MTMR4: variants seen among roughly 807,000 people sequenced by gnomAD.
MTMR4 encodes the protein myotubularin related protein 4.
MTMR4 carries 30 observed loss-of-function variants against 125.5 expected under a neutral mutation model. The observed-to-expected ratio is 0.24, with a 90% CI of 0.18 to 0.32. The LOEUF (loss-of-function observed/expected upper bound fraction) is 0.32, where lower values mean the gene tolerates loss of function less well. Ranked by LOEUF, MTMR4 falls within the 10% of genes least tolerant of loss-of-function variation. The pLI is 1.00. For synonymous variants in MTMR4, 498 were observed against 564.5 expected (o/e 0.88, Z 1.67); for missense variants, 1,039 against 1,511.5 (o/e 0.69, Z 5.18).
rs373927974 is a variant in MTMR4, at chr17:58,496,155, C to T, written c.2029G>A (p.Val677Ile). The change falls in exon 15 of 18, where the codon GTA becomes ATA. Residue 677 changes from valine (V) to isoleucine (I), a missense_variant. Transcript: ENST00000682306. ...GSETSFVDSG[V>I]GGPQQTVGEV... is the part of the protein sequence containing the mutation. ...CCTACAGTTTGCTGAGGCCCTCCTA[C>T]CCCAGAGTCCACAAAGCTTGTCTCT... The T allele has an allele frequency of 3.1e-6, 5 of 1,614,060 alleles. No individual in the cohort carries two copies. In the African/African-American group the frequency reaches 4.0e-5, roughly 13 times the overall value.
chr17:58,505,956 G>A (rs543698885), intron 9 of MTMR4, among the ~76,000 whole-genome samples: 1 of 152,296 alleles, frequency 6.6e-6, no homozygotes, highest in Non-Finnish European at 1.5e-5. Flanking sequence ...AGGCATCCAG[G>A]ACAAGAGTGG....
rs539943409 is a variant in MTMR4 at position 58,490,422 on chromosome 17, A to C, written c.*1241T>G. 1.3e-5 allele frequency: 2 copies of C among 152,662 alleles called. No homozygotes were observed. The highest frequency in any genetic ancestry group is 4.8e-5 in the African/African-American group (2 of 41,496). 9.5% of individuals were successfully genotyped at this position (152,662 alleles called of 1,614,324 possible). ...AAGATGAAAAAAAACAAAAACAAAAACAAAAAAACAAAATAAAATTTTTTA... is the reference window on the plus strand; with the variant it reads ...AAGATGAAAAAAAACAAAAACAAAACCAAAAAAACAAAATAAAATTTTTTA... On this transcript the variant is annotated 3_prime_UTR_variant, in exon 18 of 18. Coordinates refer to ENST00000682306, the MANE Select transcript of MTMR4 (RefSeq NM_001378067.1).
chr17:58,497,847 G>A (rs9901114), intron 14 of MTMR4, among the ~76,000 whole-genome samples: 57,559 of 151,786 alleles, frequency 0.38, 11,135 homozygotes, highest in East Asian at 0.51. Flanking sequence ...GCCAAGAGTG[G>A]GGCCTAGGGA....
intron 14 of MTMR4, among the ~76,000 whole-genome samples, chr17:58,498,528 C>CAGGGGAGGAG (rs1975532134): frequency 1.8e-5 from 1 of 55,920 alleles, no homozygotes; most frequent in African/African-American, 7.4e-5. Context: ...GAAGGAGAAG[C>CAGGGGAGGAG]GGGGGAGGAG....
chr17:58,493,076 T>C, intron 15 of MTMR4, 124 bp from the exon 16 acceptor site: 1 of 673,060 alleles, frequency 1.5e-6, no homozygotes, highest in African/African-American at 1.8e-5. Flanking sequence ...AGTCTTACAA[T>C]GTATACTACT....
At chr17:58,515,725 G>A (rs1159721143), upstream of MTMR4, among the ~76,000 whole-genome samples, 1 of 152,176 alleles carries the variant, frequency 6.6e-6, no homozygotes, top group Non-Finnish European at 1.5e-5. Flanking sequence ...AAACCAGCAG[G>A]CTTTCTGAGA....
chr17:58,504,805 G>T lies in MTMR4; in HGVS notation c.1315C>A (p.Leu439Met). ...TCCAACGTCCTGTAATATGGGTCCA[G>T]TAATATTTTGGCCAGGGCTACGATC... Reference protein sequence around the residue: ...PQIVALAKILLDPYYRTLEGF... With the variant: ...PQIVALAKILMDPYYRTLEGF... The change falls in exon 11 of 18, where the codon CTG becomes ATG. Residue 439 changes from leucine to methionine, a missense_variant. Coordinates refer to ENST00000682306, the MANE Select transcript of MTMR4 (RefSeq NM_001378067.1). The surrounding 1 kb of genome is among the most constrained non-coding windows in gnomAD (Gnocchi z 7.1). The T allele has an allele frequency of 1.9e-6, 3 of 1,610,656 alleles. No individual in the cohort carries two copies. The highest frequency in any genetic ancestry group is 2.5e-6 in the Non-Finnish European group (3 of 1,178,422).
Position 58,512,970 on chromosome 17 carries a change from C to G in MTMR4, c.46-29G>C. The G allele has an allele frequency of 6.5e-7, 1 of 1,548,014 alleles. No individual in the cohort carries two copies. ...TAGGAAGGCCACAGTCCTAAGTCAC[C>G]AAGCTCCACTTAGCCCATCAGGCTC... On this transcript the variant is annotated intron_variant, in intron 1 of 17. Transcript: ENST00000682306. This position sits in a 1 kb window ranked among gnomAD's most constrained non-coding sequence, Gnocchi z 4.1.
At chr17:58,492,989 ATCAT>A in intron 15 of MTMR4, 37 bp from the exon 16 acceptor site, 1 of 1,521,028 alleles carries the variant, frequency 6.6e-7, no homozygotes, top group East Asian at 2.3e-5. Flanking sequence ...TATCTTCATC[ATCAT>A]TAACGCTTAC....
chr17:58,499,000 G>A (rs777990944), intron 14 of MTMR4, among the ~76,000 whole-genome samples: 1 of 152,106 alleles, frequency 6.6e-6, no homozygotes, highest in Non-Finnish European at 1.5e-5. Context: ...TACTACAGCA[G>A]TGCTGGCTGG....
Position 58,504,355 on chromosome 17 carries a change from T to C in MTMR4, c.1475A>G (p.His492Arg), listed in dbSNP as rs751199911. ...GCAGGGGAACTGCTTAAGCAACTGA[T>C]GAACAGAATCAAGCCACTGGAGGAA... Reference protein sequence around the residue: ...PVFLQWLDSVHQLLKQFPCLF... With the variant: ...PVFLQWLDSVRQLLKQFPCLF... Residue 492 changes from histidine to arginine, a missense_variant, in exon 12 of 18, where the codon CAT becomes CGT. His to Arg is a conservative substitution (Grantham distance 29). Transcript: ENST00000682306. The surrounding 1 kb of genome is among the most constrained non-coding windows in gnomAD (Gnocchi z 7.1). 1.2e-6 allele frequency: 2 copies of C among 1,614,128 alleles called. No individual in the cohort carries two copies.
In MTMR4 at chr17:58,514,391, C is replaced by A; in HGVS notation, c.17G>T (p.Arg6Leu). The change falls in exon 1 of 18, where the codon CGC becomes CTC. Residue 6 changes from arginine to leucine, a missense_variant. Coordinates refer to ENST00000682306, the MANE Select transcript of MTMR4 (RefSeq NM_001378067.1). ...GCAGCTAAGCATGGAGCAGGAGACG[C>A]GGGCGGTCAGGCTCATGGTCGCGGG... MSLTA[R>L]VSCSMLSCFG... 2.0e-6 allele frequency: 2 copies of A among 986,810 alleles called. No homozygotes were observed. Among genetic ancestry groups the A allele is most frequent in the Non-Finnish European group, 1.2e-6 (1 of 830,300 alleles). The allele number at this position is 986,810 out of a possible 1,614,324, so 61.1% of individuals were successfully genotyped here. A position where few individuals can be genotyped will look rare whatever the true frequency, so the allele number is the denominator to read the frequency against.
chr17:58,508,102 T>C lies in MTMR4; in HGVS notation c.707+59A>G. 7.5e-7 allele frequency: 1 copy of C among 1,339,854 alleles called. No individual in the cohort carries two copies. Among genetic ancestry groups the C allele is most frequent in the South Asian group, 1.2e-5 (1 of 83,846 alleles). The allele number at this position is 1,339,854 out of a possible 1,614,324, so 83.0% of individuals were successfully genotyped here. On this transcript the variant is annotated intron_variant, in intron 7 of 17. Transcript: ENST00000682306. The surrounding 1 kb of genome is among the most constrained non-coding windows in gnomAD (Gnocchi z 4.8). ...CCAGGTTACCCAAAATCTCCAATTTTGACTCTTTCCTTGTTGCATAAGAAA... is the reference window on the plus strand; with the variant it reads ...CCAGGTTACCCAAAATCTCCAATTTCGACTCTTTCCTTGTTGCATAAGAAA...
rs1391369415 is a variant in MTMR4 at position 58,512,350 on chromosome 17, G to A, written c.252+40C>T. Reference sequence around the variant, plus strand: ...ACAATCCCACCTTGAACTTCATAGGGATTCTAGCTTAGGGGTAGGAGAACA... The same window carrying A: ...ACAATCCCACCTTGAACTTCATAGGAATTCTAGCTTAGGGGTAGGAGAACA... On this transcript the variant is annotated intron_variant, in intron 3 of 17. Transcript: ENST00000682306. This position sits in a 1 kb window ranked among gnomAD's most constrained non-coding sequence, Gnocchi z 4.1. 4 of 1,501,150 alleles carry A rather than the reference G, an allele frequency of 2.7e-6. No homozygotes were observed. The highest frequency in any genetic ancestry group is 3.7e-6 in the Non-Finnish European group (4 of 1,077,500). 93.0% of individuals were successfully genotyped at this position (1,501,150 alleles called of 1,614,324 possible). A position where few individuals can be genotyped will look rare whatever the true frequency, so the allele number is the denominator to read the frequency against.
chr17:58,508,019 A>G lies in MTMR4; in HGVS notation c.707+142T>C, dbSNP rs1011860019. 1 of 616,250 alleles carries G rather than the reference A, an allele frequency of 1.6e-6. No individual in the cohort carries two copies. The highest frequency in any genetic ancestry group is 2.8e-6 in the Non-Finnish European group (1 of 352,296). The allele number at this position is 616,250 out of a possible 1,614,324, so 38.2% of individuals were successfully genotyped here. A position where few individuals can be genotyped will look rare whatever the true frequency, so the allele number is the denominator to read the frequency against. ...CTTATTCTTAGGAGAAAAAACTAAG[A>G]TAGTTTTTGTTTTAAAGTTATTTCA... On this transcript the variant is annotated intron_variant, in intron 7 of 17. Coordinates refer to ENST00000682306, the MANE Select transcript of MTMR4 (RefSeq NM_001378067.1). The surrounding 1 kb of genome is among the most constrained non-coding windows in gnomAD (Gnocchi z 4.8).
At chr17:58,517,607 G>C (rs1181641182), upstream of MTMR4, among the ~76,000 whole-genome samples, 1 of 152,262 alleles carries the variant, frequency 6.6e-6, no homozygotes, top group African/African-American at 2.4e-5. Flanking sequence ...AGGGTTTTCA[G>C]ACCTAGGGGA....
Position 58,511,499 on chromosome 17 carries a change from T to A in MTMR4, c.265A>T (p.Met89Leu), listed in dbSNP as rs1431919135. Residue 89 changes from methionine (M) to leucine (L), a missense_variant, in exon 4 of 18, where the codon ATG becomes TTG. By Grantham distance (15) the Met-to-Leu change is conservative (BLOSUM62 2). Coordinates refer to ENST00000682306, the MANE Select transcript of MTMR4 (RefSeq NM_001378067.1). Reference protein sequence around the residue: ...KDSVINVPLRMIDSVESRDMF... With the variant: ...KDSVINVPLRLIDSVESRDMF... ...TCACGGCTCTCCACACTGTCAATCA[T>A]CCGGAGGGGGACCTGTAGAGGAAGG... 1 of 1,612,600 alleles carries A rather than the reference T, an allele frequency of 6.2e-7. No homozygotes were observed. The highest frequency in any genetic ancestry group is 1.1e-5 in the South Asian group (1 of 90,594).
rs1975289954 is a variant in MTMR4 at position 58,490,582 on chromosome 17, A to G, written c.*1081T>C. 1 of 152,680 alleles carries G rather than the reference A, an allele frequency of 6.5e-6. No homozygotes were observed. Among genetic ancestry groups the G allele is most frequent in the Non-Finnish European group, 1.5e-5 (1 of 68,066 alleles). The allele number at this position is 152,680 out of a possible 1,614,324, so 9.5% of individuals were successfully genotyped here. A position where few individuals can be genotyped will look rare whatever the true frequency, so the allele number is the denominator to read the frequency against. ...GCAGCATTTGTACTGAAACCCTCAC[A>G]TACCAAACAGCATATGCTAGGAGGT... is the stretch of plus-strand genomic sequence containing the variant. On this transcript the variant is annotated 3_prime_UTR_variant, in exon 18 of 18. Coordinates refer to ENST00000682306, the MANE Select transcript of MTMR4 (RefSeq NM_001378067.1).
intron 9 of MTMR4, 142 bp downstream of exon 9, chr17:58,506,601 C>T (rs552822175): frequency 2.0e-6 from 2 of 1,011,300 alleles, no homozygotes; most frequent in East Asian, 5.3e-5. Context: ...ATAGTCATAG[C>T]CATAGCTAGT....
Sources: gnomAD v4.1 joint callset for allele counts (sites outside exome capture counted in the v4.1 genomes callset) on GRCh38, gnomAD v4.1.1 for gene constraint, Gnocchi (gnomAD v3.1) non-coding constraint, MANE v1.5 for transcripts, NCBI Gene and HGNC (gene_info 2026-07-23, HGNC 2026-07-21) for gene names.